Variants in ZNF385D observed in about 807,000 individuals in gnomAD.
ZNF385D encodes zinc finger protein 385D.
A neutral mutation model predicts 35.8 loss-of-function variants in ZNF385D; 15 were observed. The ratio of observed to expected loss-of-function variants is 0.42; its 90% confidence interval spans 0.28 to 0.64. The LOEUF is 0.64. Ranked by LOEUF, ZNF385D falls within the 30% of genes least tolerant of loss-of-function variation. The probability of loss-of-function intolerance (pLI) is 0.23; values close to 1 mark genes in which losing one functional copy is unlikely to be tolerated. For synonymous variants in ZNF385D, 212 were observed against 186.8 expected (o/e 1.13, Z -1.10); for missense variants, 474 against 494.6 (o/e 0.96, Z 0.39).
chr3:21,974,922 T>C (rs1703498246), intron 3 of ZNF385D, among the ~76,000 whole-genome samples: 1 of 152,022 alleles, frequency 6.6e-6, no homozygotes, highest in Non-Finnish European at 1.5e-5. Flanking sequence ...CAATAGCAAA[T>C]GCTGGCAAGG....
chr3:22,056,724 A>G (rs748128788), intron 3 of ZNF385D, among the ~76,000 whole-genome samples: 17 of 152,218 alleles, frequency 1.1e-4, no homozygotes, highest in Admixed American at 5.9e-4. Flanking sequence ...AACTCAGTGG[A>G]TTAAAACAAT....
chr3:21,632,429 T>G (rs1463750537), intron 2 of ZNF385D, among the ~76,000 whole-genome samples: 1 of 152,126 alleles, frequency 6.6e-6, no homozygotes, highest in Non-Finnish European at 1.5e-5. Flanking sequence ...ATTTACTGAG[T>G]CTATATCATT....
chr3:21,833,620 T>C (rs1387747647), intron 3 of ZNF385D, among the ~76,000 whole-genome samples: 1 of 152,202 alleles, frequency 6.6e-6, no homozygotes, highest in Non-Finnish European at 1.5e-5. Flanking sequence ...AGTAAATTTC[T>C]GTTGTTTTAA....
intron 2 of ZNF385D, among the ~76,000 whole-genome samples, chr3:22,344,482 C>G (rs1045575344): frequency 6.6e-6 from 1 of 152,100 alleles, no homozygotes; most frequent in African/African-American, 2.4e-5. Flanking sequence ...CTTGACCTCC[C>G]GGGCTCAAGT....
intron 4 of ZNF385D, among the ~76,000 whole-genome samples, chr3:21,502,443 T>C (rs1020603775): frequency 1.3e-5 from 2 of 152,162 alleles, no homozygotes; most frequent in African/African-American, 2.4e-5. Context: ...CATACATAGG[T>C]AAGGAATCCA....
rs114265596 is a variant in ZNF385D, at chr3:22,082,748, C to T, written c.325+86069G>A. ...GCTCGGAGAACAAACAGACTGCCTC[C>T]ACAAGTGGGTCCCTAACCCCCGTGT... On this transcript the variant is annotated intron_variant, in intron 3 of 5. Coordinates refer to the ZNF385D transcript ENST00000494108. 8.2e-3 allele frequency among the ~76,000 whole-genome samples: 1,251 copies of T among 152,280 alleles called. 12 individuals carry two copies. The highest frequency in any genetic ancestry group is 0.029 in the African/African-American group (1,195 of 41,554).
chr3:21,771,870 G>A (rs2071091593), intron 3 of ZNF385D, among the ~76,000 whole-genome samples: 1 of 151,906 alleles, frequency 6.6e-6, no homozygotes. Flanking sequence ...GGGTGATACT[G>A]GCATTGAGGC....
chr3:21,452,613 G>T (rs1296033621), intron 4 of ZNF385D, among the ~76,000 whole-genome samples: 1 of 151,880 alleles, frequency 6.6e-6, no homozygotes, highest in Non-Finnish European at 1.5e-5. Context: ...CCTTACAATT[G>T]CATGAAAAAG....
intron 3 of ZNF385D, among the ~76,000 whole-genome samples, chr3:21,970,817 G>C (rs934924200): frequency 6.6e-5 from 10 of 151,818 alleles, no homozygotes; most frequent in African/African-American, 2.4e-4. Flanking sequence ...CAAGGAAGAA[G>C]AGAAAAGAAA....
chr3:21,826,038 A>T (rs1694596902), intron 3 of ZNF385D, among the ~76,000 whole-genome samples: 1 of 150,980 alleles, frequency 6.6e-6, no homozygotes. Flanking sequence ...CTTCCCCTCA[A>T]CCCCCCACCA....
intron 2 of ZNF385D, among the ~76,000 whole-genome samples, chr3:22,190,004 G>C (rs1006644582): frequency 2.0e-5 from 3 of 152,030 alleles, no homozygotes; most frequent in Non-Finnish European, 4.4e-5. Flanking sequence ...CTTTTGCCCT[G>C]ATGTGTTTGT....
At chr3:22,007,638 C>T (rs1349335920) in intron 3 of ZNF385D, among the ~76,000 whole-genome samples, 3 of 152,106 alleles carry the variant, frequency 2.0e-5, no homozygotes, top group African/African-American at 7.2e-5. Flanking sequence ...ACAGTTTTGT[C>T]GGTAGAGTGT....
At position 21,562,430 on chromosome 3, in the gene ZNF385D, A is replaced by C. The variant is rs2062984687; in HGVS notation, c.276+2144T>G. Among the ~76,000 whole-genome samples the C allele has an allele frequency of 2.0e-5, 3 of 152,228 alleles. No homozygotes were observed. In the South Asian group the frequency reaches 6.2e-4, roughly 32 times the overall value. ...ACTGTCTGGAAATGGTAAGTGACTC[A>C]TCACTGGGAATAATCAAGCAAAAGA... is the stretch of plus-strand genomic sequence containing the variant. On this transcript the variant is annotated intron_variant, in intron 3 of 7. Transcript: ENST00000281523.
intron 3 of ZNF385D, among the ~76,000 whole-genome samples, chr3:22,159,934 C>A (rs868851481): frequency 2.0e-5 from 3 of 151,968 alleles, no homozygotes; most frequent in African/African-American, 7.2e-5. Flanking sequence ...GTGTCCCCAG[C>A]CAAAATCTCA....
intron 1 of ZNF385D, among the ~76,000 whole-genome samples, chr3:21,674,951 G>GA (rs1487975460): frequency 6.6e-6 from 1 of 151,864 alleles, no homozygotes; most frequent in Non-Finnish European, 1.5e-5. Flanking sequence ...TGGATGGATG[G>GA]AAAAATGAGT....
chr3:22,350,350 C>T (rs1211100249), intron 2 of ZNF385D, among the ~76,000 whole-genome samples: 2 of 151,942 alleles, frequency 1.3e-5, no homozygotes, highest in Admixed American at 1.3e-4. Context: ...TGCAGTTAAC[C>T]CTTTAGGATG....
intron 3 of ZNF385D, among the ~76,000 whole-genome samples, chr3:22,085,884 G>T (rs1429025284): frequency 2.6e-5 from 4 of 152,148 alleles, no homozygotes; most frequent in Non-Finnish European, 4.4e-5. Flanking sequence ...TCCCTGAGTT[G>T]CAAGGATGGT....
chr3:21,451,166 C>A (rs894857347), intron 4 of ZNF385D, among the ~76,000 whole-genome samples: 3 of 151,956 alleles, frequency 2.0e-5, no homozygotes, highest in Non-Finnish European at 4.4e-5. Flanking sequence ...TATGACGAAC[C>A]AATCAATACG....
intron 2 of ZNF385D, among the ~76,000 whole-genome samples, chr3:21,651,287 CAAAAAAAAAAAAAAA>C (rs71044931): frequency 1.2e-5 from 1 of 80,118 alleles, no homozygotes; most frequent in African/African-American, 5.2e-5. Context: ...GACTTCATCT[CAAAAAAAAAAAAAAA>C]AAAAAAAAAA....
Sources: allele counts gnomAD v4.1 joint callset (sites outside exome capture counted in the v4.1 genomes callset), GRCh38; gene constraint gnomAD v4.1.1; transcripts MANE v1.5; gene names NCBI Gene and HGNC (gene_info 2026-07-23, HGNC 2026-07-21).